Variants in COL4A2 observed in about 807,000 individuals in gnomAD.
The protein encoded by COL4A2 is collagen alpha-2(IV) chain.
COL4A2 carries 99 observed loss-of-function variants against 200.2 expected under a neutral mutation model. The ratio of observed to expected loss-of-function variants is 0.49; its 90% confidence interval spans 0.42 to 0.58. The LOEUF (loss-of-function observed/expected upper bound fraction) is 0.58. Among genes scored for constraint, COL4A2 ranks in the 20% least tolerant of loss-of-function variants. The probability of loss-of-function intolerance (pLI) is 0.00; values close to 1 mark genes in which losing one functional copy is unlikely to be tolerated. For missense variants in COL4A2, 1,950 were observed against 2,314.1 expected (o/e 0.84, Z 3.23); for synonymous variants, 897 against 900.6 (o/e 1.00, Z 0.07).
intron 4 of COL4A2, among the ~76,000 whole-genome samples, chr13:110,402,520 C>G (rs1879408833): frequency 6.6e-6 from 1 of 152,206 alleles, no homozygotes; most frequent in Admixed American, 6.5e-5. Context: ...TCACTGGGCA[C>G]AGCCTTCATT....
chr13:110,423,746 G>A (rs1203395208), intron 4 of COL4A2, among the ~76,000 whole-genome samples: 1 of 152,086 alleles, frequency 6.6e-6, no homozygotes, highest in Non-Finnish European at 1.5e-5. Flanking sequence ...GCCCCTGGCA[G>A]CCCTCATTCT....
intron 4 of COL4A2, among the ~76,000 whole-genome samples, chr13:110,390,526 C>T (rs1878947702): frequency 6.6e-6 from 1 of 152,200 alleles, no homozygotes; most frequent in Non-Finnish European, 1.5e-5. Context: ...GAACCTGGTC[C>T]ACACTCACTC....
chr13:110,502,843 G>A (rs190311310), intron 41 of COL4A2: 4 of 375,186 alleles, frequency 1.1e-5, no homozygotes, highest in African/African-American at 2.1e-5. Context: ...CGTGTATAAC[G>A]GGGACAGATT....
chr13:110,424,069 G>A (rs1044091103), intron 4 of COL4A2, among the ~76,000 whole-genome samples: 10 of 152,082 alleles, frequency 6.6e-5, no homozygotes, highest in Admixed American at 2.0e-4. Flanking sequence ...GTGGGATCCC[G>A]TAGTGATTCT....
chr13:110,496,013 C>T (rs1406880270), intron 40 of COL4A2, among the ~76,000 whole-genome samples: 1 of 152,182 alleles, frequency 6.6e-6, no homozygotes, highest in Non-Finnish European at 1.5e-5. Context: ...TGTGCATGAG[C>T]CCACAGCCCC....
chr13:110,503,834 G>A lies in COL4A2; in HGVS notation c.4139-13G>A, dbSNP rs1883739453. The A allele has an allele frequency of 1.2e-6, 2 of 1,613,770 alleles. No individual in the cohort carries two copies. The highest frequency in any genetic ancestry group is 1.7e-5 in the Admixed American group (1 of 59,974). On this transcript the variant is annotated splice_polypyrimidine_tract_variant and intron_variant, in intron 43 of 47. Coordinates refer to ENST00000360467, the MANE Select transcript of COL4A2 (RefSeq NM_001846.4). ...CTTGTGTGTTTACTGGGGCCTCTCT[G>A]TTTCCCTTCCAGGTGCCCCCGGGAC...
At chr13:110,503,085 G>A (rs1205433015) in intron 41 of COL4A2, 36 bp from the exon 42 acceptor site, 3 of 1,608,218 alleles carry the variant, frequency 1.9e-6, no homozygotes, top group Non-Finnish European at 1.7e-6. Context: ...TTGGGGCCCT[G>A]TTTAAACCCT....
At chr13:110,443,763 G>A (rs914968173) in intron 16 of COL4A2, among the ~76,000 whole-genome samples, 8 of 152,170 alleles carry the variant, frequency 5.3e-5, no homozygotes, top group Non-Finnish European at 1.2e-4. Flanking sequence ...CAGGGAGCCC[G>A]GCGGAGCCTC....
chr13:110,428,650 C>A, intron 7 of COL4A2, 67 bp downstream of exon 7: 1 of 862,488 alleles, frequency 1.2e-6, no homozygotes, highest in Non-Finnish European at 1.7e-6. Flanking sequence ...GCCTTTATAA[C>A]CTGGGGGAGC....
chr13:110,505,232 C>T (rs1883816116), intron 45 of COL4A2, among the ~76,000 whole-genome samples: 1 of 152,024 alleles, frequency 6.6e-6, no homozygotes, highest in Non-Finnish European at 1.5e-5. Flanking sequence ...CGCCAGTAGT[C>T]CCAGCTACTC....
At chr13:110,365,020 A>G (rs1448544991) in intron 4 of COL4A2, among the ~76,000 whole-genome samples, 2 of 152,222 alleles carry the variant, frequency 1.3e-5, no homozygotes, top group African/African-American at 4.8e-5. Flanking sequence ...CATGGTGGAT[A>G]TATACTAAGT....
At chr13:110,369,677 C>T (rs1455919848) in intron 4 of COL4A2, among the ~76,000 whole-genome samples, 3 of 152,164 alleles carry the variant, frequency 2.0e-5, no homozygotes, top group Non-Finnish European at 4.4e-5. Context: ...AGCTTTAACA[C>T]GTGCCGACTT....
At chr13:110,480,162 A>C in intron 30 of COL4A2, 58 bp from the exon 31 acceptor site, 1 of 1,492,708 alleles carries the variant, frequency 6.7e-7, no homozygotes, top group Non-Finnish European at 9.0e-7. Context: ...AAAGCAGAAG[A>C]GAAATTTCCC....
At chr13:110,448,653 AT>A (rs1446851521) in intron 18 of COL4A2, among the ~76,000 whole-genome samples, 1 of 152,250 alleles carries the variant, frequency 6.6e-6, no homozygotes, top group Non-Finnish European at 1.5e-5. Context: ...AATAAAAGTA[AT>A]CTTGCTATTC....
At chr13:110,505,154 T>C (rs930664462) in intron 45 of COL4A2, among the ~76,000 whole-genome samples, 7 of 151,488 alleles carry the variant, frequency 4.6e-5, no homozygotes, top group East Asian at 4.0e-4. Flanking sequence ...ATCGAGACCA[T>C]CCTGGCTAAC....
intron 16 of COL4A2, among the ~76,000 whole-genome samples, chr13:110,445,077 C>A (rs1337896968): frequency 6.6e-6 from 1 of 152,178 alleles, no homozygotes; most frequent in Non-Finnish European, 1.5e-5. Context: ...TCTCAGACTT[C>A]TGGGCTCAAG....
rs1470068457 is a variant in COL4A2 at position 110,313,363 on chromosome 13, T to G, written c.99+5240T>G. 3.3e-5 allele frequency among the ~76,000 whole-genome samples: 5 copies of G among 152,196 alleles called. No individual in the cohort carries two copies. In the East Asian group the frequency reaches 5.8e-4, roughly 18 times the overall value. On this transcript the variant is annotated intron_variant, in intron 3 of 47. Coordinates refer to ENST00000360467, the MANE Select transcript of COL4A2 (RefSeq NM_001846.4). ...CCTGAAAGGAGAAGGCGGCATCTAA[T>G]TCTAGGGAGACTTCACAGGTGTCTC...
At position 110,307,763 on chromosome 13, in the gene COL4A2, C is replaced by T. The variant is rs985244129; in HGVS notation, c.-44-97C>T. The T allele has an allele frequency of 1.7e-6, 2 of 1,187,362 alleles. No individual in the cohort carries two copies. Among genetic ancestry groups the T allele is most frequent in the African/African-American group, 1.5e-5 (1 of 64,698 alleles). The allele number at this position is 1,187,362 out of a possible 1,614,324, so 73.6% of individuals were successfully genotyped here. On this transcript the variant is annotated intron_variant, in intron 1 of 47. Transcript: ENST00000360467. The surrounding 1 kb of genome is among the most constrained non-coding windows in gnomAD (Gnocchi z 5.0). ...CGGTCACCCCTGCATGCGGGCCGCGCACCGCGCTGTCCCCGCGTCTCGCGG... is the reference window on the plus strand; with the variant it reads ...CGGTCACCCCTGCATGCGGGCCGCGTACCGCGCTGTCCCCGCGTCTCGCGG...
In COL4A2 at chr13:110,330,924, C is replaced by A. The variant is rs1251012208; in HGVS notation, c.99+22801C>A. On this transcript the variant is annotated intron_variant, in intron 3 of 47. Coordinates refer to ENST00000360467, the MANE Select transcript of COL4A2 (RefSeq NM_001846.4). ...ACTATTAGGCTGCTGGGGAGCCTTC[C>A]CCACCACATTCCTCTATGGTGTGTC... is the stretch of plus-strand genomic sequence containing the variant. Among the ~76,000 whole-genome samples, 112 of 152,104 alleles carry A rather than the reference C, an allele frequency of 7.4e-4. 1 individual carries two copies. The highest frequency in any genetic ancestry group is 4.4e-5 in the Non-Finnish European group (3 of 68,032).
Sources: gnomAD v4.1 joint callset for allele counts (sites outside exome capture counted in the v4.1 genomes callset) on GRCh38, gnomAD v4.1.1 for gene constraint, Gnocchi (gnomAD v3.1) non-coding constraint, MANE v1.5 for transcripts, NCBI Gene and HGNC (gene_info 2026-07-23, HGNC 2026-07-21) for gene names.